The following LETM1 variants were observed in gnomAD, a reference collection of about 807,000 sequenced individuals.
LETM1 encodes the protein mitochondrial proton/calcium exchanger protein.
A neutral mutation model predicts 74.5 loss-of-function variants in LETM1; 50 were observed. The ratio of observed to expected loss-of-function variants is 0.67; its 90% CI spans 0.53 to 0.85. LETM1 has a LOEUF of 0.85. LETM1 is among the 40% of genes least tolerant of loss of function. The pLI is 0.00. For missense variants in LETM1, 824 were observed against 967.8 expected (o/e 0.85, Z 1.97); for synonymous variants, 446 against 407.1 (o/e 1.10, Z -1.15).
Position 1,840,763 on chromosome 4 carries a change from G to A in LETM1, c.594+584C>T, listed in dbSNP as rs146279510. 3.3e-3 allele frequency among the ~76,000 whole-genome samples: 508 copies of A among 152,010 alleles called. 6 individuals carry two copies. Among genetic ancestry groups the A allele is most frequent in the African/African-American group, 0.011 (471 of 41,490 alleles). On this transcript the variant is annotated intron_variant, in intron 3 of 13. Coordinates refer to ENST00000302787, the MANE Select transcript of LETM1 (RefSeq NM_012318.3). ...AACCTAACTTGAAGCCAGTCTGTCA[G>A]AAGTTCCGAGAGGCCTGGACTTGAG... is the stretch of plus-strand genomic sequence containing the variant.
At chr4:1,849,333 C>T (rs138800105) in intron 1 of LETM1, 124 bp from the exon 2 acceptor site, 107 of 673,202 alleles carry the variant, frequency 1.6e-4, no homozygotes, top group Admixed American at 2.3e-4. Context: ...GGCGTGATCT[C>T]GGCTCACTGC....
In LETM1 at chr4:1,814,415, C is replaced by T. The variant is rs1321535958; in HGVS notation, c.*9G>A. On this transcript the variant is annotated 3_prime_UTR_variant, in exon 14 of 14. Coordinates refer to ENST00000302787, the MANE Select transcript of LETM1 (RefSeq NM_012318.3). The stretch of plus-strand genomic sequence containing the variant: ...CACAGCAGGAGGACAGGTGCCCAGG[C>T]CAGTGGTTCTAGCTCTTCACCTCTG... 1.9e-6 allele frequency: 3 copies of T among 1,614,120 alleles called. No individual in the cohort carries two copies. Among genetic ancestry groups the T allele is most frequent in the African/African-American group, 1.3e-5 (1 of 74,958 alleles).
intron 13 of LETM1, 116 bp downstream of exon 13, chr4:1,815,548 T>C (rs1711542690): frequency 5.2e-6 from 6 of 1,155,578 alleles, no homozygotes; most frequent in Non-Finnish European, 7.4e-6. Flanking sequence ...CCCAAACCCC[T>C]GACAGGAGGG....
intron 6 of LETM1, among the ~76,000 whole-genome samples, chr4:1,831,045 G>A (rs1048284899): frequency 2.6e-5 from 4 of 152,098 alleles, no homozygotes; most frequent in African/African-American, 4.8e-5. Flanking sequence ...AAACCCTAAC[G>A]TCTGTGTTTC....
Position 1,825,561 on chromosome 4 carries a change from C to G in LETM1, c.1200+3G>C. On this transcript the variant is annotated splice_donor_region_variant and intron_variant, in intron 7 of 13. Coordinates refer to ENST00000302787, the MANE Select transcript of LETM1 (RefSeq NM_012318.3). ...GCCTGGCACCAGGCCAATATTCACG[C>G]ACCTGCTTCAGCTGACCCCTCAGGC... The G allele has an allele frequency of 6.2e-7, 1 of 1,609,590 alleles. No homozygotes were observed. The highest frequency in any genetic ancestry group is 8.5e-7 in the Non-Finnish European group (1 of 1,176,432).
intron 2 of LETM1, among the ~76,000 whole-genome samples, chr4:1,848,336 C>G (rs1043898037): frequency 6.6e-6 from 1 of 152,062 alleles, no homozygotes; most frequent in Non-Finnish European, 1.5e-5. Context: ...ATCACGAGGT[C>G]AGGAGATTGA....
chr4:1,816,912 G>A lies in LETM1; in HGVS notation c.1746C>T (p.Asp582=), dbSNP rs760879319. 8.7e-6 allele frequency: 14 copies of A among 1,608,500 alleles called. No individual in the cohort carries two copies. In the East Asian group the frequency reaches 3.1e-4, roughly 36 times the overall value. Residue 582 remains aspartate (D), a splice_region_variant and synonymous_variant, in exon 12 of 14, where the codon GAC becomes GAT. Coordinates refer to ENST00000302787, the MANE Select transcript of LETM1 (RefSeq NM_012318.3). ...LKEDVQDYSE[D]LQEIKKELSK... is the part of the protein sequence containing the mutation. ...AAAGTTCCTTCTTGATCTCCTGCAA[G>A]TCCTAATAAAATTATTTTGGTTGTA... is the stretch of plus-strand genomic sequence containing the variant.
At chr4:1,838,678 A>C (rs1327362283) in intron 3 of LETM1, among the ~76,000 whole-genome samples, 1 of 152,198 alleles carries the variant, frequency 6.6e-6, no homozygotes, top group Non-Finnish European at 1.5e-5. Flanking sequence ...AACCTGTCTC[A>C]AAAATAAAAA....
At chr4:1,823,195 C>A in intron 8 of LETM1, 64 bp from the exon 9 acceptor site, 1 of 1,519,262 alleles carries the variant, frequency 6.6e-7, no homozygotes, top group South Asian at 1.3e-5. Flanking sequence ...CTGCCCCTCA[C>A]CTCTGTCCTG....
intron 3 of LETM1, among the ~76,000 whole-genome samples, chr4:1,840,646 C>T (rs920540695): frequency 1.3e-5 from 2 of 150,932 alleles, no homozygotes; most frequent in South Asian, 2.1e-4. Flanking sequence ...CCAGCCTGGG[C>T]GACAGTGAGA....
intron 3 of LETM1, among the ~76,000 whole-genome samples, chr4:1,837,878 T>A (rs1053511718): frequency 3.4e-4 from 52 of 151,870 alleles, no homozygotes; most frequent in Admixed American, 5.9e-4. Context: ...AATTTTTTTT[T>A]ATATTTTTGG....
At position 1,836,490 on chromosome 4, in the gene LETM1, G is replaced by A; in HGVS notation, c.677C>T (p.Pro226Leu). Residue 226 changes from proline (P) to leucine (L), a missense_variant, in exon 4 of 14, where the codon CCT becomes CTT. Transcript: ENST00000302787. This position sits in a 1 kb window ranked among gnomAD's most constrained non-coding sequence, Gnocchi z 5.8. ...VVVPFMEFLLPVAVKLFPNML... is the reference protein window; with the variant it reads ...VVVPFMEFLLLVAVKLFPNML... ...GTTGGGGAAGAGCTTCACAGCAACAGGCAGCAGAAACTCCATGAACGGCAC... is the reference window on the plus strand; with the variant it reads ...GTTGGGGAAGAGCTTCACAGCAACAAGCAGCAGAAACTCCATGAACGGCAC... 1 of 1,614,044 alleles carries A rather than the reference G, an allele frequency of 6.2e-7. No individual in the cohort carries two copies. The highest frequency in any genetic ancestry group is 8.5e-7 in the Non-Finnish European group (1 of 1,179,990).
intron 5 of LETM1, chr4:1,833,316 C>T (rs917244956): frequency 2.5e-5 from 7 of 281,718 alleles, no homozygotes; most frequent in African/African-American, 1.5e-4. Flanking sequence ...GTCACCTGCC[C>T]AGCTTGGCCT....
chr4:1,832,322 C>G (rs576355771), intron 6 of LETM1, among the ~76,000 whole-genome samples: 1 of 151,896 alleles, frequency 6.6e-6, no homozygotes, highest in African/African-American at 2.4e-5. Flanking sequence ...AAGGAGTAAT[C>G]AGACCTAGAA....
At chr4:1,851,472 G>T (rs1713069853) in intron 1 of LETM1, among the ~76,000 whole-genome samples, 1 of 152,210 alleles carries the variant, frequency 6.6e-6, no homozygotes, top group Non-Finnish European at 1.5e-5. Flanking sequence ...AACTCTCCTG[G>T]TTCTGTGGGG....
intron 13 of LETM1, 50 bp downstream of exon 13, chr4:1,815,614 C>G (rs1029735390): frequency 4.4e-6 from 7 of 1,604,638 alleles, no homozygotes; most frequent in Non-Finnish European, 6.0e-6. Context: ...TGCCCCACCC[C>G]ACTCCAGAGC....
chr4:1,821,124 T>A (rs1270885810), intron 10 of LETM1, among the ~76,000 whole-genome samples: 11 of 113,430 alleles, frequency 9.7e-5, no homozygotes, highest in Admixed American at 2.4e-4. Context: ...AAAAGTGAAA[T>A]TTTTTTTTTT....
chr4:1,841,830 G>C (rs372177429), intron 2 of LETM1, 33 bp from the exon 3 acceptor site: 98 of 1,513,124 alleles, frequency 6.5e-5, no homozygotes, highest in Non-Finnish European at 7.0e-5. Context: ...ACAGTAGTAA[G>C]AGCCAGCACT....
chr4:1,814,157 A>T lies in LETM1; in HGVS notation c.*267T>A, dbSNP rs4242021. On this transcript the variant is annotated 3_prime_UTR_variant, in exon 14 of 14. Coordinates refer to ENST00000302787, the MANE Select transcript of LETM1 (RefSeq NM_012318.3). Reference sequence around the variant, plus strand: ...TGGGGGCGCCTTCCTGCCTTGGCCCAGCCCAGCTGCCTCTGGAGCCAGGAG... The same window carrying T: ...TGGGGGCGCCTTCCTGCCTTGGCCCTGCCCAGCTGCCTCTGGAGCCAGGAG... 1 of 498,428 alleles carries T rather than the reference A, an allele frequency of 2.0e-6. No homozygotes were observed. The highest frequency in any genetic ancestry group is 3.6e-6 in the Non-Finnish European group (1 of 278,776). The allele number at this position is 498,428 out of a possible 1,614,324, so 30.9% of individuals were successfully genotyped here.
Sources: gnomAD v4.1 joint callset for allele counts (sites outside exome capture counted in the v4.1 genomes callset) on GRCh38, gnomAD v4.1.1 for gene constraint, Gnocchi (gnomAD v3.1) non-coding constraint, MANE v1.5 for transcripts, NCBI Gene and HGNC (gene_info 2026-07-23, HGNC 2026-07-21) for gene names.